The following B4GALT1 variants were observed in gnomAD, a reference collection of about 807,000 sequenced individuals.
The protein encoded by B4GALT1 is beta-1,4-galactosyltransferase 1.
B4GALT1 carries 16 observed loss-of-function variants against 34.9 expected under a neutral mutation model. The observed-to-expected ratio is 0.46, with a 90% CI of 0.31 to 0.70. The LOEUF (loss-of-function observed/expected upper bound fraction) is 0.70. B4GALT1 is among the 30% of genes least tolerant of loss of function. The pLI is 0.05. For synonymous variants in B4GALT1, 221 were observed against 218.1 expected (o/e 1.01, Z -0.12); for missense variants, 445 against 530.5 (o/e 0.84, Z 1.58).
intron 2 of B4GALT1, among the ~76,000 whole-genome samples, chr9:33,123,050 G>A (rs1432174130): frequency 6.6e-5 from 10 of 152,100 alleles, no homozygotes; most frequent in South Asian, 2.1e-4. Flanking sequence ...AGGCCAAGGC[G>A]GTGGATCACC....
At chr9:33,160,427 G>C (rs1250401999) in intron 1 of B4GALT1, among the ~76,000 whole-genome samples, 1 of 152,172 alleles carries the variant, frequency 6.6e-6, no homozygotes, top group Non-Finnish European at 1.5e-5. Context: ...TGAACACCAG[G>C]CTATCTACAT....
intron 2 of B4GALT1, among the ~76,000 whole-genome samples, chr9:33,130,318 C>A (rs1840175187): frequency 6.6e-6 from 1 of 152,094 alleles, no homozygotes; most frequent in African/African-American, 2.4e-5. Context: ...TTAGGAAATG[C>A]AGCATGCATC....
At chr9:33,124,139 G>C (rs887561047) in intron 2 of B4GALT1, among the ~76,000 whole-genome samples, 8 of 152,192 alleles carry the variant, frequency 5.3e-5, no homozygotes, top group African/African-American at 1.9e-4. Context: ...TTTCTAGGCT[G>C]CTTTGGGTGA....
At chr9:33,161,630 C>T (rs1450009517) in intron 1 of B4GALT1, among the ~76,000 whole-genome samples, 2 of 152,186 alleles carry the variant, frequency 1.3e-5, no homozygotes, top group Non-Finnish European at 2.9e-5. Flanking sequence ...GCCCAGGGAC[C>T]ACACCAGTCT....
intron 2 of B4GALT1, among the ~76,000 whole-genome samples, chr9:33,124,318 A>G (rs1485183467): frequency 6.6e-6 from 1 of 152,176 alleles, no homozygotes; most frequent in East Asian, 1.9e-4. Context: ...TCAAGTAAAC[A>G]TTGATCAAGC....
At chr9:33,173,594 GTGT>G in the B4GALT1 span, among the ~76,000 whole-genome samples, 1 of 45,298 alleles carries the variant, frequency 2.2e-5, no homozygotes, top group Non-Finnish European at 7.1e-5. Context: ...TAAGAATGGT[GTGT>G]GTGTGTGTGT....
the B4GALT1 span, among the ~76,000 whole-genome samples, chr9:33,183,742 C>A: frequency 6.6e-6 from 1 of 151,148 alleles, no homozygotes; most frequent in Non-Finnish European, 1.5e-5. Context: ...TGTAACTAAC[C>A]TGCACAATGT....
intron 2 of B4GALT1, chr9:33,104,855 T>C (rs1839782923): frequency 1.4e-5 from 6 of 434,362 alleles, no homozygotes; most frequent in Admixed American, 1.3e-4. Flanking sequence ...TCTCACTCTG[T>C]TGCCCAGGCT....
intron 1 of B4GALT1, among the ~76,000 whole-genome samples, chr9:33,155,047 G>C (rs1174791976): frequency 6.6e-6 from 1 of 152,134 alleles, no homozygotes; most frequent in Non-Finnish European, 1.5e-5. Flanking sequence ...CCCTAATGGA[G>C]GCAGCACTCA....
upstream of B4GALT1, among the ~76,000 whole-genome samples, chr9:33,171,384 T>TG (rs1840839003): frequency 6.6e-6 from 1 of 152,218 alleles, no homozygotes. Context: ...TGTGGCTGCT[T>TG]GGGTTTCCTC....
upstream of B4GALT1, among the ~76,000 whole-genome samples, chr9:33,171,179 T>A (rs970910496): frequency 1.3e-5 from 2 of 152,256 alleles, no homozygotes; most frequent in African/African-American, 4.8e-5. Context: ...AAGCAACAAT[T>A]TCTCGCAGTT....
At chr9:33,137,007 A>C (rs919012509) in intron 1 of B4GALT1, among the ~76,000 whole-genome samples, 1 of 152,030 alleles carries the variant, frequency 6.6e-6, no homozygotes, top group African/African-American at 2.4e-5. Flanking sequence ...TCCCCAGTAC[A>C]CATCTCACAT....
the B4GALT1 span, among the ~76,000 whole-genome samples, chr9:33,181,072 A>G: frequency 2.0e-5 from 3 of 152,124 alleles, no homozygotes; most frequent in African/African-American, 4.8e-5. Flanking sequence ...AAGAAATGTG[A>G]TAGTCTTTGC....
intron 2 of B4GALT1, among the ~76,000 whole-genome samples, chr9:33,123,535 C>T (rs929152480): frequency 2.0e-5 from 3 of 152,064 alleles, no homozygotes; most frequent in African/African-American, 4.8e-5. Flanking sequence ...GGGAGGTATA[C>T]CAACAGAGCC....
At chr9:33,162,881 G>C (rs985859485) in intron 1 of B4GALT1, among the ~76,000 whole-genome samples, 7 of 152,178 alleles carry the variant, frequency 4.6e-5, no homozygotes, top group African/African-American at 1.7e-4. Flanking sequence ...GTTTCACCAT[G>C]AAAGCAAACC....
the B4GALT1 span, among the ~76,000 whole-genome samples, chr9:33,184,897 C>A: frequency 1.3e-5 from 2 of 152,128 alleles, no homozygotes; most frequent in African/African-American, 2.4e-5. Flanking sequence ...CAGGGAGCCA[C>A]AAAAGAAATA....
chr9:33,109,385 A>G (rs1839829375), downstream of B4GALT1, among the ~76,000 whole-genome samples: 1 of 152,202 alleles, frequency 6.6e-6, no homozygotes, highest in Admixed American at 6.5e-5. Flanking sequence ...TATCCTTTCT[A>G]ATATCACTTA....
intron 2 of B4GALT1, 28 bp from the exon 3 acceptor site, chr9:33,120,634 C>A (rs1468024609): frequency 1.9e-6 from 3 of 1,612,248 alleles, no homozygotes; most frequent in African/African-American, 1.3e-5. Flanking sequence ...ACAGTGATAT[C>A]AAATGCCTTA....
At chr9:33,172,061 G>A (rs767513205), upstream of B4GALT1, among the ~76,000 whole-genome samples, 1 of 152,152 alleles carries the variant, frequency 6.6e-6, no homozygotes, top group Non-Finnish European at 1.5e-5. Flanking sequence ...CGACCAAAGC[G>A]CAAAAGCACT....
Sources: allele counts gnomAD v4.1 joint callset (sites outside exome capture counted in the v4.1 genomes callset), GRCh38; gene constraint gnomAD v4.1.1; transcripts MANE v1.5; gene names NCBI Gene and HGNC (gene_info 2026-07-23, HGNC 2026-07-21).